Variants in SAMD5 observed in about 807,000 individuals in gnomAD.
The protein encoded by SAMD5 is sterile alpha motif domain containing 5.
SAMD5 carries 13 observed loss-of-function variants against 11.3 expected under a neutral mutation model. The ratio of observed to expected loss-of-function variants is 1.15; its 90% CI spans 0.75 to 1.83. The LOEUF is 1.83. Ranked by LOEUF, SAMD5 falls within the 40% of genes most tolerant of loss-of-function variation. SAMD5 has a pLI of 0.00. For synonymous variants in SAMD5, 129 were observed against 111.3 expected, an observed-to-expected ratio of 1.16 and a Z score of -1.00; for missense variants, 255 against 239.1, an observed-to-expected ratio of 1.07 and a Z score of -0.44.
chr6:147,646,026 G>GTATCTATCTATC (rs200304460), intron 1 of SAMD5, among the ~76,000 whole-genome samples: 22 of 52,378 alleles, frequency 4.2e-4, no homozygotes, highest in Non-Finnish European at 5.4e-4. Context: ...ATCTATCTAT[G>GTATCTATCTATC]TATCTATCTA....
chr6:147,576,297 T>G (rs1789215998), intron 1 of SAMD5, among the ~76,000 whole-genome samples: 2 of 152,054 alleles, frequency 1.3e-5, no homozygotes, highest in Non-Finnish European at 2.9e-5. Context: ...TGCACCACCA[T>G]GCCGGGCTAA....
chr6:147,675,079 G>A (rs921041466), intron 1 of SAMD5, among the ~76,000 whole-genome samples: 78 of 152,202 alleles, frequency 5.1e-4, no homozygotes, highest in African/African-American at 1.8e-3. Context: ...ATTGAAATTG[G>A]CATGTATAAA....
chr6:147,567,416 A>C lies in SAMD5; in HGVS notation c.*2960A>C. The C allele has an allele frequency of 1.0e-6, 1 of 984,642 alleles. No individual in the cohort carries two copies. The highest frequency in any genetic ancestry group is 1.2e-6 in the Non-Finnish European group (1 of 829,188). The allele number at this position is 984,642 out of a possible 1,614,324, so 61.0% of individuals were successfully genotyped here. A position where few individuals can be genotyped will look rare whatever the true frequency, so the allele number is the denominator to read the frequency against. ...AGATCTGAGTTTAAATTCTAAAATT[A>C]TTCTAGTAGTATTTTCCTGCGGTGA... On this transcript the variant is annotated 3_prime_UTR_variant, in exon 2 of 2. Transcript: ENST00000367474.
chr6:147,833,606 A>T, the SAMD5 span, among the ~76,000 whole-genome samples: 1 of 152,290 alleles, frequency 6.6e-6, no homozygotes, highest in South Asian at 2.1e-4. Context: ...GTGACTGTAA[A>T]ACCTTGTTGT....
chr6:147,891,103 G>A, the SAMD5 span, among the ~76,000 whole-genome samples: 8 of 152,176 alleles, frequency 5.3e-5, no homozygotes, highest in African/African-American at 1.9e-4. Context: ...TTACATAAGA[G>A]AATATATTCT....
chr6:147,920,430 T>C, the SAMD5 span, among the ~76,000 whole-genome samples: 2 of 152,212 alleles, frequency 1.3e-5, no homozygotes, highest in African/African-American at 4.8e-5. Context: ...TCAGCTTCCC[T>C]ACTTTTGAGG....
At chr6:147,847,321 T>A in the SAMD5 span, among the ~76,000 whole-genome samples, 1 of 152,178 alleles carries the variant, frequency 6.6e-6, no homozygotes, top group Non-Finnish European at 1.5e-5. Flanking sequence ...AAACTGCTGC[T>A]CCCTGAAGTA....
At chr6:147,856,327 A>G in the SAMD5 span, among the ~76,000 whole-genome samples, 99 of 152,228 alleles carry the variant, frequency 6.5e-4, no homozygotes, top group African/African-American at 2.2e-3. Flanking sequence ...GACAAAGGAG[A>G]ATGATGAAAG....
intron 1 of SAMD5, among the ~76,000 whole-genome samples, chr6:147,519,786 T>C (rs548644510): frequency 1.2e-4 from 18 of 152,354 alleles, no homozygotes; most frequent in African/African-American, 4.3e-4. Flanking sequence ...AGATGCTAAT[T>C]TGAAGCTTAT....
the SAMD5 span, among the ~76,000 whole-genome samples, chr6:147,885,009 A>T: frequency 6.6e-6 from 1 of 152,342 alleles, no homozygotes; most frequent in Admixed American, 6.5e-5. Flanking sequence ...CTTAAGATTT[A>T]AAAAACTTTG....
downstream of SAMD5, among the ~76,000 whole-genome samples, chr6:147,738,243 T>C (rs552144002): frequency 3.2e-4 from 48 of 152,310 alleles, no homozygotes; most frequent in Middle Eastern, 3.4e-3. Flanking sequence ...CTAGTTCCGA[T>C]GTTTATCTTG....
chr6:147,567,381 G>C lies in SAMD5; in HGVS notation c.*2925G>C, dbSNP rs573912091. On this transcript the variant is annotated 3_prime_UTR_variant, in exon 2 of 2. Transcript: ENST00000367474. ...ACAACAAGCATTGAGCTTTCACTTTGGAGTTACTCAGATCTGAGTTTAAAT... is the reference window on the plus strand; with the variant it reads ...ACAACAAGCATTGAGCTTTCACTTTCGAGTTACTCAGATCTGAGTTTAAAT... 9 of 984,078 alleles carry C rather than the reference G, an allele frequency of 9.1e-6. No homozygotes were observed. The highest frequency in any genetic ancestry group is 1.1e-5 in the Non-Finnish European group (9 of 828,874). The allele number at this position is 984,078 out of a possible 1,614,324, so 61.0% of individuals were successfully genotyped here.
At chr6:147,527,624 A>G (rs6926163) in intron 1 of SAMD5, among the ~76,000 whole-genome samples, 37,134 of 151,836 alleles carry the variant, frequency 0.24, 5,559 homozygotes, top group African/African-American at 0.4. Context: ...TTCAAAATAC[A>G]ATCATGTCTT....
chr6:147,724,412 T>C (rs116526212), intron 1 of SAMD5, among the ~76,000 whole-genome samples: 2,595 of 152,310 alleles, frequency 0.017, 81 homozygotes, highest in African/African-American at 0.059. Context: ...TCCTAAGAAA[T>C]TAACCTGTCA....
chr6:147,580,355 C>A (rs1789278975), intron 1 of SAMD5, among the ~76,000 whole-genome samples: 2 of 152,216 alleles, frequency 1.3e-5, no homozygotes, highest in African/African-American at 4.8e-5. Context: ...ACTTATCAGA[C>A]CTCCTCTTAC....
the SAMD5 span, among the ~76,000 whole-genome samples, chr6:147,905,239 A>G: frequency 1.1e-4 from 17 of 150,780 alleles, no homozygotes; most frequent in Non-Finnish European, 2.1e-4. Flanking sequence ...GCTGGAGTGC[A>G]GTGGCACAAT....
At position 147,565,009 on chromosome 6, in the gene SAMD5, G is replaced by T; in HGVS notation, c.*553G>T. 1.1e-6 allele frequency: 1 copy of T among 907,146 alleles called. No individual in the cohort carries two copies. The highest frequency in any genetic ancestry group is 1.3e-6 in the Non-Finnish European group (1 of 759,288). 56.2% of individuals were successfully genotyped at this position (907,146 alleles called of 1,614,324 possible). ...TTTGGTGAAGGAATTCTTATTTTAA[G>T]GTGCTTTTATATAGTTATTTTGTAT... On this transcript the variant is annotated 3_prime_UTR_variant, in exon 2 of 2. Coordinates refer to ENST00000367474, the MANE Select transcript of SAMD5 (RefSeq NM_001030060.3).
chr6:147,864,813 T>C, the SAMD5 span, among the ~76,000 whole-genome samples: 1 of 152,226 alleles, frequency 6.6e-6, no homozygotes, highest in South Asian at 2.1e-4. Flanking sequence ...TCATGATATG[T>C]GATGCCTCCT....
the SAMD5 span, among the ~76,000 whole-genome samples, chr6:147,823,416 G>A: frequency 6.6e-6 from 1 of 151,006 alleles, no homozygotes; most frequent in Non-Finnish European, 1.5e-5. Flanking sequence ...TAGTAATACT[G>A]CATTTTAACT....
Sources: gnomAD v4.1 joint callset for allele counts (sites outside exome capture counted in the v4.1 genomes callset) on GRCh38, gnomAD v4.1.1 for gene constraint, MANE v1.5 for transcripts, NCBI Gene and HGNC (gene_info 2026-07-23, HGNC 2026-07-21) for gene names.